Variants in CDK14 observed in about 807,000 individuals in gnomAD.
CDK14 encodes the protein cyclin dependent kinase 14.
CDK14 carries 34 observed loss-of-function variants against 60.7 expected under a neutral mutation model. That is an observed-to-expected ratio of 0.56 (90% CI 0.43 to 0.75). The LOEUF is 0.75. Ranked by LOEUF, CDK14 falls within the 30% of genes least tolerant of loss-of-function variation. The pLI, the probability that CDK14 is intolerant of heterozygous loss-of-function variation, is 0.00. For missense variants in CDK14, 482 were observed against 564.1 expected (o/e 0.85, Z 1.47); for synonymous variants, 197 against 203.7 (o/e 0.97, Z 0.28).
chr7:90,629,236 A>G (rs1563021485), intron 2 of CDK14, among the ~76,000 whole-genome samples: 1 of 152,212 alleles, frequency 6.6e-6, no homozygotes, highest in Non-Finnish European at 1.5e-5. Context: ...AAAGAATTTT[A>G]GTAGTTCACA....
In CDK14 at chr7:91,010,761, T is replaced by C. The variant is rs536606523; in HGVS notation, c.1041+26520T>C. ...CCTTCCTTCTTTCCTTCCTTCTTTC[T>C]TTCCTTCCTTCTTTCCTTCCTTCTT... On this transcript the variant is annotated intron_variant, in intron 10 of 14. Transcript: ENST00000380050. Among the ~76,000 whole-genome samples, 832 of 147,530 alleles carry C rather than the reference T, an allele frequency of 5.6e-3. 6 individuals are homozygous for C. Among genetic ancestry groups the C allele is most frequent in the African/African-American group, 0.02 (773 of 38,372 alleles).
chr7:90,796,331 G>A (rs1788429517), intron 5 of CDK14, among the ~76,000 whole-genome samples: 1 of 152,128 alleles, frequency 6.6e-6, no homozygotes, highest in Admixed American at 6.6e-5. Flanking sequence ...TTGAAATTAT[G>A]GGTTTATTAG....
At chr7:90,825,834 C>T (rs1160293002) in intron 5 of CDK14, among the ~76,000 whole-genome samples, 2 of 152,084 alleles carry the variant, frequency 1.3e-5, no homozygotes, top group Non-Finnish European at 2.9e-5. Flanking sequence ...TTTTATTACT[C>T]ATGTTTTCAA....
chr7:90,669,998 G>T (rs1302452051), intron 2 of CDK14, among the ~76,000 whole-genome samples: 1 of 152,116 alleles, frequency 6.6e-6, no homozygotes, highest in Non-Finnish European at 1.5e-5. Context: ...CATTTACTTT[G>T]TTTTTCTGTA....
At chr7:90,996,601 C>G (rs1407444966) in intron 10 of CDK14, among the ~76,000 whole-genome samples, 1 of 152,170 alleles carries the variant, frequency 6.6e-6, no homozygotes, top group African/African-American at 2.4e-5. Flanking sequence ...TGAATTTGTC[C>G]TCTATCTCAT....
At chr7:91,064,424 G>C (rs1358509040) in intron 11 of CDK14, among the ~76,000 whole-genome samples, 1 of 152,166 alleles carries the variant, frequency 6.6e-6, no homozygotes, top group Admixed American at 6.5e-5. Context: ...CAATGTCTCT[G>C]TACCATTTCA....
At chr7:90,902,471 T>C (rs1309404432) in intron 7 of CDK14, among the ~76,000 whole-genome samples, 1 of 152,126 alleles carries the variant, frequency 6.6e-6, no homozygotes, top group African/African-American at 2.4e-5. Flanking sequence ...AGTCAACTGA[T>C]ATTTGACAGA....
chr7:91,120,446 A>G (rs1031668103), intron 14 of CDK14, among the ~76,000 whole-genome samples: 1 of 152,218 alleles, frequency 6.6e-6, no homozygotes, highest in Non-Finnish European at 1.5e-5. Flanking sequence ...TCAGGTTATA[A>G]CACAGTAGAA....
chr7:90,984,861 A>C (rs777591746), intron 10 of CDK14, among the ~76,000 whole-genome samples: 1 of 152,230 alleles, frequency 6.6e-6, no homozygotes, highest in Non-Finnish European at 1.5e-5. Context: ...ATTCTACAAA[A>C]TACATGACTG....
At chr7:91,137,989 TTAAAC>T (rs1205581664) in intron 14 of CDK14, among the ~76,000 whole-genome samples, 2 of 152,200 alleles carry the variant, frequency 1.3e-5, no homozygotes. Flanking sequence ...CATGGCAAGC[TTAAAC>T]TAAACAGATG....
chr7:91,076,244 A>AAAAAAAAAAC (rs1798310803), intron 11 of CDK14, among the ~76,000 whole-genome samples: 1 of 18,746 alleles, frequency 5.3e-5, no homozygotes, highest in Non-Finnish European at 9.3e-5. Context: ...ACAGTAACCA[A>AAAAAAAAAAC]AAAAAAAAAA....
At chr7:91,044,242 G>C (rs1029996879) in intron 10 of CDK14, among the ~76,000 whole-genome samples, 2 of 152,204 alleles carry the variant, frequency 1.3e-5, no homozygotes, top group Non-Finnish European at 2.9e-5. Flanking sequence ...ACAACTGGAC[G>C]TGGGAGCTTC....
intron 9 of CDK14, among the ~76,000 whole-genome samples, chr7:90,967,080 T>C (rs894039659): frequency 2.7e-5 from 4 of 148,314 alleles, no homozygotes; most frequent in Non-Finnish European, 4.5e-5. Context: ...CTTGATATTA[T>C]GTAAGGTTGT....
At chr7:90,872,596 A>G (rs1203584723) in intron 6 of CDK14, among the ~76,000 whole-genome samples, 2 of 152,174 alleles carry the variant, frequency 1.3e-5, no homozygotes, top group Non-Finnish European at 1.5e-5. Context: ...ATAATAAGGA[A>G]TGATGGTTAC....
intron 8 of CDK14, among the ~76,000 whole-genome samples, chr7:90,918,735 CTT>C (rs1562827996): frequency 6.6e-6 from 1 of 152,158 alleles, no homozygotes; most frequent in Non-Finnish European, 1.5e-5. Context: ...ATATGATTAT[CTT>C]TTTCCTCTCC....
chr7:90,859,786 T>C (rs115383655), intron 5 of CDK14, among the ~76,000 whole-genome samples: 3 of 152,314 alleles, frequency 2.0e-5, no homozygotes, highest in African/African-American at 7.2e-5. Context: ...TGTAAATCTC[T>C]CTTTAAAGAT....
chr7:90,607,085 C>G (rs899144945), intron 2 of CDK14, among the ~76,000 whole-genome samples: 1 of 152,130 alleles, frequency 6.6e-6, no homozygotes, highest in Non-Finnish European at 1.5e-5. Flanking sequence ...CCAATCATCA[C>G]GCTTATGAAC....
At chr7:91,010,388 T>A (rs772064620) in intron 10 of CDK14, among the ~76,000 whole-genome samples, 1 of 152,136 alleles carries the variant, frequency 6.6e-6, no homozygotes, top group Non-Finnish European at 1.5e-5. Flanking sequence ...AGTCTTCCAA[T>A]CTATGAACAT....
chr7:91,131,531 T>A (rs1446691696), intron 14 of CDK14, among the ~76,000 whole-genome samples: 2 of 152,142 alleles, frequency 1.3e-5, no homozygotes, highest in Admixed American at 1.3e-4. Context: ...AATGTCAGAA[T>A]CTGAAGAGAG....
Sources: gnomAD v4.1 joint callset for allele counts (sites outside exome capture counted in the v4.1 genomes callset) on GRCh38, gnomAD v4.1.1 for gene constraint, MANE v1.5 for transcripts, NCBI Gene and HGNC (gene_info 2026-07-23, HGNC 2026-07-21) for gene names.